The following RSPH14 variants were observed in gnomAD, a reference collection of about 807,000 sequenced individuals.
RSPH14 encodes the protein radial spoke head 14 homolog.
RSPH14 carries 20 observed loss-of-function variants against 26.7 expected under a neutral mutation model. That is an observed-to-expected ratio of 0.75 (90% confidence interval 0.53 to 1.09). The LOEUF is 1.09. Among genes scored for constraint, RSPH14 ranks in the 50% least tolerant of loss-of-function variants. The pLI is 0.00. For synonymous variants in RSPH14, 177 were observed against 189.3 expected, an observed-to-expected ratio of 0.93 and a Z score of 0.53; for missense variants, 449 against 457.2, an observed-to-expected ratio of 0.98 and a Z score of 0.16.
chr22:23,093,178 AGGC>A (rs1363766740), intron 4 of RSPH14, among the ~76,000 whole-genome samples: 22 of 152,238 alleles, frequency 1.4e-4, no homozygotes, highest in African/African-American at 5.1e-4. Flanking sequence ...GGTCATCTCA[AGGC>A]TTCCATTCTC....
In RSPH14 at chr22:23,135,317, CAAAAA is replaced by C. The variant is rs55649510; in HGVS notation, c.303-1178_303-1174del. Reference sequence around the variant, plus strand: ...TGAAACCCCGCCTGTACTAAAAATACAAAAAAAAAAAAAAAAAAAAAAAAATTAGC... The same window carrying C: ...TGAAACCCCGCCTGTACTAAAAATACAAAAAAAAAAAAAAAAAAAATTAGC... On this transcript the variant is annotated intron_variant, in intron 3 of 6. Coordinates refer to ENST00000216036, the MANE Select transcript of RSPH14 (RefSeq NM_014433.3). 4.0e-3 allele frequency among the ~76,000 whole-genome samples: 343 copies of C among 85,890 alleles called. 1 individual carries two copies. Among genetic ancestry groups the C allele is most frequent in the African/African-American group, 0.015 (320 of 21,936 alleles). The allele number at this position is 85,890 out of a possible 152,430, so 56.3% of individuals were successfully genotyped here. A position where few individuals can be genotyped will look rare whatever the true frequency, so the allele number is the denominator to read the frequency against.
chr22:23,180,596 C>G, the RSPH14 span: 1 of 161,192 alleles, frequency 6.2e-6, no homozygotes, highest in Non-Finnish European at 1.2e-5. Flanking sequence ...GGCGGCACGG[C>G]GGCGGCGGGG....
the RSPH14 span, chr22:23,159,264 C>T: frequency 6.4e-7 from 1 of 1,572,646 alleles, no homozygotes; most frequent in South Asian, 1.2e-5. Context: ...GTGAGTGGGC[C>T]AGGGCTGTCA....
At chr22:23,123,778 G>T (rs1461543416) in intron 4 of RSPH14, 6 of 301,604 alleles carry the variant, frequency 2.0e-5, no homozygotes, top group Non-Finnish European at 6.3e-6. Flanking sequence ...CCACTTGGGG[G>T]TCTGCATTGG....
At position 23,061,994 on chromosome 22, in the gene RSPH14, G is replaced by A. The variant is rs201950618; in HGVS notation, c.654-49C>T. ...GGGGCTCTGCTTGGAAGGGAGAAGA[G>A]GCGCAAGGCCCAGGAGTGCCCCAGG... is the stretch of plus-strand genomic sequence containing the variant. On this transcript the variant is annotated intron_variant, in intron 5 of 6. Transcript: ENST00000216036. The A allele has an allele frequency of 1.4e-3, 2,290 of 1,609,786 alleles. 2 individuals carry two copies. The highest frequency in any genetic ancestry group is 1.8e-3 in the Non-Finnish European group (2,116 of 1,178,712).
chr22:23,153,466 CCAGGCCAGCAGGGTGGCCTCCCG>C, the RSPH14 span: 56 of 628,884 alleles, frequency 8.9e-5, no homozygotes, highest in Non-Finnish European at 4.8e-5. Flanking sequence ...ATCCCACTCA[CCAGGCCAGCAGGGTGGCCTCCCG>C]CAGGTTGCTG....
chr22:23,114,671 C>T (rs1039586295), intron 4 of RSPH14, among the ~76,000 whole-genome samples: 2 of 152,228 alleles, frequency 1.3e-5, no homozygotes, highest in African/African-American at 2.4e-5. Flanking sequence ...AGCCCCCTCA[C>T]GAGGGAAGTA....
At chr22:23,142,058 G>A, upstream of RSPH14, 1 of 984,980 alleles carries the variant, frequency 1.0e-6, no homozygotes, top group Non-Finnish European at 1.2e-6. Context: ...CGGCGCCGCG[G>A]TCGACATAAT....
intron 4 of RSPH14, chr22:23,095,550 C>G (rs1254889854): frequency 1.2e-6 from 1 of 827,732 alleles, no homozygotes; most frequent in Non-Finnish European, 1.9e-6. Flanking sequence ...GCAGGGGCTG[C>G]AGTGTGGCTC....
chr22:23,068,457 C>A (rs2068261825), intron 4 of RSPH14, among the ~76,000 whole-genome samples: 1 of 152,366 alleles, frequency 6.6e-6, no homozygotes, highest in Middle Eastern at 3.4e-3. Flanking sequence ...TACAACTATA[C>A]CCTGGTGGAG....
rs371291239 is a variant in RSPH14, at chr22:23,061,906, G to A, written c.693C>T (p.Asp231=). The change falls in exon 6 of 7, where the codon GAC becomes GAT. Residue 231 remains aspartate (D), a synonymous_variant. Transcript: ENST00000216036. ...GCAGATGGACCAGGATGGGGATGAC[G>A]TCAAAATGACACACCTGTTTCTTGC... ...REGKKQVCHF[D]VIPILVHLLK... is the part of the protein sequence containing the mutation. The A allele has an allele frequency of 2.5e-5, 40 of 1,614,002 alleles. No homozygotes were observed. The highest frequency in any genetic ancestry group is 2.0e-4 in the South Asian group (18 of 91,082).
intron 4 of RSPH14, among the ~76,000 whole-genome samples, chr22:23,100,411 T>C (rs1226765667): frequency 1.3e-5 from 2 of 152,248 alleles, no homozygotes; most frequent in Non-Finnish European, 2.9e-5. Context: ...CTGCCACTTA[T>C]CTGAGAGACA....
At chr22:23,108,695 G>A (rs6003510) in intron 4 of RSPH14, among the ~76,000 whole-genome samples, 15,941 of 152,284 alleles carry the variant, frequency 0.1, 2,651 homozygotes, top group African/African-American at 0.35. Context: ...ATGTCCCAGG[G>A]CCCCAGCTTC....
chr22:23,145,514 C>T (rs9624036), upstream of RSPH14: 1,911 of 1,605,168 alleles, frequency 1.2e-3, 29 homozygotes, highest in African/African-American at 0.023. Context: ...TCAGGCGGAC[C>T]AGGCCGCGCG....
At chr22:23,095,674 C>T in intron 4 of RSPH14, 1 of 1,584,640 alleles carries the variant, frequency 6.3e-7, no homozygotes, top group African/African-American at 1.4e-5. Context: ...TGCTCCTTGT[C>T]TGGGCCCGCT....
chr22:23,084,036 A>C (rs185116076), intron 4 of RSPH14, among the ~76,000 whole-genome samples: 1 of 152,212 alleles, frequency 6.6e-6, no homozygotes, highest in African/African-American at 2.4e-5. Context: ...GGAGTTAACA[A>C]GGAGGGAGGG....
At chr22:23,157,311 C>T in the RSPH14 span, among the ~76,000 whole-genome samples, 17 of 151,404 alleles carry the variant, frequency 1.1e-4, no homozygotes, top group Middle Eastern at 3.5e-3. Flanking sequence ...AGTGCAGTGG[C>T]GCAATCTCGG....
intron 3 of RSPH14, among the ~76,000 whole-genome samples, chr22:23,135,300 C>A (rs1297838315): frequency 6.8e-6 from 1 of 146,990 alleles, no homozygotes; most frequent in Admixed American, 6.8e-5. Flanking sequence ...AGTGAAACCC[C>A]GCCTGTACTA....
chr22:23,159,131 G>A, the RSPH14 span: 6 of 1,607,108 alleles, frequency 3.7e-6, no homozygotes, highest in Admixed American at 1.7e-5. Context: ...GGAGAGCCGG[G>A]ACGCTGGGTC....
Sources: gnomAD v4.1 joint callset for allele counts (sites outside exome capture counted in the v4.1 genomes callset) on GRCh38, gnomAD v4.1.1 for gene constraint, MANE v1.5 for transcripts, NCBI Gene and HGNC (gene_info 2026-07-23, HGNC 2026-07-21) for gene names.